Variants in ZBTB11 observed in about 807,000 individuals in gnomAD.
The protein encoded by ZBTB11 is zinc finger and BTB domain-containing protein 11.
ZBTB11 carries 68 observed loss-of-function variants against 113.1 expected under a neutral mutation model. That is an observed-to-expected ratio of 0.60 (90% CI 0.49 to 0.74). The LOEUF is 0.74. Among genes scored for constraint, ZBTB11 ranks in the 30% least tolerant of loss-of-function variants. ZBTB11 has a pLI of 0.00. For missense variants in ZBTB11, 1,104 were observed against 1,279.4 expected (o/e 0.86, Z 2.09); for synonymous variants, 518 against 452.6 (o/e 1.14, Z -1.83).
At chr3:101,663,876 C>T (rs887898811) in intron 5 of ZBTB11, among the ~76,000 whole-genome samples, 2 of 152,072 alleles carry the variant, frequency 1.3e-5, no homozygotes, top group African/African-American at 4.8e-5. Flanking sequence ...GGTGACAGAA[C>T]AAGACTCCAT....
In ZBTB11 at chr3:101,665,192, A is replaced by C. The variant is rs544289424; in HGVS notation, c.1395T>G (p.Ile465Met). The change falls in exon 4 of 11, where the codon ATT becomes ATG. Residue 465 changes from isoleucine to methionine, a missense_variant. Coordinates refer to ENST00000312938, the MANE Select transcript of ZBTB11 (RefSeq NM_014415.4). ...TATGTTTTGGAATGTCTTCGGCACA[A>C]ATATCCTCAGCTGATATATCATTTC... ...GMGNDISAED[I>M]CAEDIPKHRQ... 3 of 1,614,054 alleles carry C rather than the reference A, an allele frequency of 1.9e-6. No homozygotes were observed. The highest frequency in any genetic ancestry group is 8.5e-7 in the Non-Finnish European group (1 of 1,180,040).
At chr3:101,660,370 CT>C (rs1936867849) in intron 5 of ZBTB11, among the ~76,000 whole-genome samples, 1 of 152,126 alleles carries the variant, frequency 6.6e-6, no homozygotes, top group South Asian at 2.1e-4. Context: ...AAAGGTAAGG[CT>C]GTGATTGATG....
intron 2 of ZBTB11, 99 bp from the exon 3 acceptor site, chr3:101,671,460 G>A: frequency 1.2e-6 from 1 of 809,320 alleles, no homozygotes; most frequent in Non-Finnish European, 2.0e-6. Flanking sequence ...CCTTTTACCA[G>A]GTATGAATAA....
rs376403365 is a variant in ZBTB11, at chr3:101,662,587, A to G, written c.1800+1951T>C. ...GCCACTGCACTCCAGCCTGCGCAACAAGAACACAACTCCGTCTCCAGAAAA... is the reference window on the plus strand; with the variant it reads ...GCCACTGCACTCCAGCCTGCGCAACGAGAACACAACTCCGTCTCCAGAAAA... On this transcript the variant is annotated intron_variant, in intron 5 of 10. Transcript: ENST00000312938. Among the ~76,000 whole-genome samples, 3 of 152,298 alleles carry G rather than the reference A, an allele frequency of 2.0e-5. No individual in the cohort carries two copies. The East Asian group carries it at 5.8e-4, about 29-fold the overall frequency.
At position 101,656,268 on chromosome 3, in the gene ZBTB11, A is replaced by G. The variant is rs771831536; in HGVS notation, c.2047-20T>C. 7.2e-7 allele frequency: 1 copy of G among 1,384,742 alleles called. No individual in the cohort carries two copies. The highest frequency in any genetic ancestry group is 9.4e-7 in the Non-Finnish European group (1 of 1,059,964). The allele number at this position is 1,384,742 out of a possible 1,614,324, so 85.8% of individuals were successfully genotyped here. ...ACAGACCTAAGATAGAACAGGGGTG[A>G]TTAAGTCAATAAAACAAAAAGGGAG... On this transcript the variant is annotated intron_variant, in intron 6 of 10. Transcript: ENST00000312938.
intron 7 of ZBTB11, among the ~76,000 whole-genome samples, chr3:101,655,621 T>C (rs1936781590): frequency 6.6e-6 from 1 of 152,196 alleles, no homozygotes; most frequent in African/African-American, 2.4e-5. Flanking sequence ...ACAATGAATA[T>C]TCCATACACA....
chr3:101,663,663 G>A (rs952249292), intron 5 of ZBTB11, among the ~76,000 whole-genome samples: 7 of 152,170 alleles, frequency 4.6e-5, no homozygotes, highest in African/African-American at 1.7e-4. Flanking sequence ...GGCAGAGACA[G>A]GTGGATCATT....
At chr3:101,654,103 G>C (rs1369507093) in intron 8 of ZBTB11, among the ~76,000 whole-genome samples, 2 of 151,658 alleles carry the variant, frequency 1.3e-5, no homozygotes, top group Admixed American at 6.6e-5. Context: ...GCAGTGGTGT[G>C]ATCTTGGCTC....
At chr3:101,652,210 T>C (rs1936716353) in intron 10 of ZBTB11, among the ~76,000 whole-genome samples, 1 of 152,202 alleles carries the variant, frequency 6.6e-6, no homozygotes, top group Non-Finnish European at 1.5e-5. Flanking sequence ...TGAGACAAAT[T>C]TTAGTTTCTG....
chr3:101,666,739 T>C (rs112161383), intron 3 of ZBTB11, among the ~76,000 whole-genome samples: 1 of 152,074 alleles, frequency 6.6e-6, no homozygotes, highest in African/African-American at 2.4e-5. Flanking sequence ...CCAATATTTT[T>C]ATTTATTTAT....
In ZBTB11 at chr3:101,665,288, T is replaced by G; in HGVS notation, c.1299A>C (p.Thr433=). ...AAAGTTTAGGGTGTATATTAGAAAC[T>G]GTGTTATTTTCTCTGTTGTTTGAAG... The part of the protein sequence containing the change: ...LETSNNRENN[T]VSNIHPKLSK... The change falls in exon 4 of 11, where the codon ACA becomes ACC. Residue 433 remains threonine, a synonymous_variant. Transcript: ENST00000312938. The G allele has an allele frequency of 1.2e-6, 2 of 1,614,204 alleles. No individual in the cohort carries two copies. Among genetic ancestry groups the G allele is most frequent in the Non-Finnish European group, 1.7e-6 (2 of 1,180,026 alleles).
intron 3 of ZBTB11, among the ~76,000 whole-genome samples, chr3:101,668,915 T>C (rs899307265): frequency 4.6e-5 from 7 of 152,202 alleles, no homozygotes; most frequent in Admixed American, 4.6e-4. Context: ...TTGAAAACTT[T>C]ATAAAAATAT....
intron 1 of ZBTB11, among the ~76,000 whole-genome samples, chr3:101,672,952 A>G (rs1473134802): frequency 6.6e-6 from 1 of 152,246 alleles, no homozygotes; most frequent in Admixed American, 6.5e-5. Context: ...TTTCAGATGA[A>G]AAAAGCTGAA....
chr3:101,654,617 A>G, intron 8 of ZBTB11, 87 bp downstream of exon 8: 1 of 1,107,574 alleles, frequency 9.0e-7, no homozygotes, highest in Non-Finnish European at 1.3e-6. Flanking sequence ...CTGAAGTTAC[A>G]GTTTAATATT....
chr3:101,659,701 A>C, intron 6 of ZBTB11, 82 bp downstream of exon 6: 5 of 1,517,236 alleles, frequency 3.3e-6, no homozygotes, highest in Non-Finnish European at 4.5e-6. Flanking sequence ...TGACTTGAGA[A>C]TACATATCCC....
At chr3:101,664,285 G>A (rs1254670111) in intron 5 of ZBTB11, among the ~76,000 whole-genome samples, 2 of 152,126 alleles carry the variant, frequency 1.3e-5, no homozygotes, top group Non-Finnish European at 2.9e-5. Context: ...TTCCTGTTCT[G>A]CCTTTTCATG....
intron 1 of ZBTB11, among the ~76,000 whole-genome samples, chr3:101,673,122 T>C (rs1210592650): frequency 2.0e-5 from 3 of 152,230 alleles, no homozygotes; most frequent in African/African-American, 7.2e-5. Context: ...ACAAAAGATT[T>C]TGAATTTCAA....
intron 10 of ZBTB11, 39 bp from the exon 11 acceptor site, chr3:101,651,722 A>G (rs765299408): frequency 1.3e-6 from 2 of 1,496,722 alleles, no homozygotes; most frequent in South Asian, 1.4e-5. Flanking sequence ...AGTGAGGTGC[A>G]AGCACCAAAA....
Position 101,671,301 on chromosome 3 carries a change from G to T in ZBTB11, c.607C>A (p.Gln203Lys), listed in dbSNP as rs762337068. 1 of 1,614,156 alleles carries T rather than the reference G, an allele frequency of 6.2e-7. No homozygotes were observed. Among genetic ancestry groups the T allele is most frequent in the East Asian group, 2.2e-5 (1 of 44,868 alleles). Residue 203 changes from glutamine to lysine, a missense_variant, in exon 3 of 11, where the codon CAG becomes AAG. Gln to Lys is a moderately conservative substitution (Grantham distance 53). Around this residue, in one of 5 missense-constraint regions of ZBTB11, gnomAD observed 245 missense variants for 272.5 expected, o/e 0.90. Coordinates refer to ENST00000312938, the MANE Select transcript of ZBTB11 (RefSeq NM_014415.4). ...TTGGAAAGTCTCTGTTCGTTCAGCTGTTTTAAGACAGCCTGACAATGTTTT... is the reference window on the plus strand; with the variant it reads ...TTGGAAAGTCTCTGTTCGTTCAGCTTTTTTAAGACAGCCTGACAATGTTTT... The part of the protein sequence containing the change: ...SPKHCQAVLK[Q>K]LNEQRLSNQF...
Sources: gnomAD v4.1 joint callset for allele counts (sites outside exome capture counted in the v4.1 genomes callset) on GRCh38, gnomAD v4.1.1 for gene constraint, gnomAD v4.1.1 regional missense constraint, MANE v1.5 for transcripts, NCBI Gene and HGNC (gene_info 2026-07-23, HGNC 2026-07-21) for gene names.